The following NREP variants were observed in gnomAD, a reference collection of about 807,000 sequenced individuals.
The protein encoded by NREP is neuronal regeneration-related protein.
NREP carries 5 observed loss-of-function variants against 8.6 expected under a neutral mutation model. That is an observed-to-expected ratio of 0.58 (90% CI 0.30 to 1.22). The LOEUF is 1.22. NREP is among the 50% of genes most tolerant of loss of function. The pLI is 0.07. For missense variants in NREP, 86 were observed against 82.5 expected, an observed-to-expected ratio of 1.04 and a Z score of -0.17; for synonymous variants, 27 against 28.0, an observed-to-expected ratio of 0.96 and a Z score of 0.11.
chr5:111,925,428 C>A (rs981611348), intron 2 of NREP, among the ~76,000 whole-genome samples: 1 of 152,156 alleles, frequency 6.6e-6, no homozygotes, highest in African/African-American at 2.4e-5. Flanking sequence ...ACCTCTAAAG[C>A]AGCCATCAGA....
intron 2 of NREP, among the ~76,000 whole-genome samples, chr5:111,901,024 A>G (rs1754634468): frequency 6.6e-6 from 1 of 152,150 alleles, no homozygotes; most frequent in Non-Finnish European, 1.5e-5. Flanking sequence ...ATACTAGCAA[A>G]CTGCATCCAA....
At chr5:111,817,631 T>C (rs1410985405) in intron 2 of NREP, among the ~76,000 whole-genome samples, 1 of 151,744 alleles carries the variant, frequency 6.6e-6, no homozygotes, top group Non-Finnish European at 1.5e-5. Context: ...TGGTGAAACC[T>C]CGTCTCTACT....
intron 2 of NREP, among the ~76,000 whole-genome samples, chr5:111,816,465 G>GT (rs1752388023): frequency 6.6e-6 from 1 of 152,094 alleles, no homozygotes; most frequent in Non-Finnish European, 1.5e-5. Context: ...TGAGAGGCTG[G>GT]TAAATGGATT....
intron 2 of NREP, among the ~76,000 whole-genome samples, chr5:111,882,098 T>C (rs1446902113): frequency 1.3e-5 from 2 of 152,118 alleles, no homozygotes; most frequent in South Asian, 2.1e-4. Context: ...TGTAGACGAA[T>C]GTATAATTAG....
intron 2 of NREP, among the ~76,000 whole-genome samples, chr5:111,831,010 T>C (rs2112935414): frequency 6.6e-6 from 1 of 152,328 alleles, no homozygotes; most frequent in African/African-American, 2.4e-5. Flanking sequence ...AAGAGCAACA[T>C]GTAGAAAAAC....
intron 3 of NREP, chr5:111,735,184 T>C (rs1052580729): frequency 2.4e-6 from 1 of 412,162 alleles, no homozygotes; most frequent in African/African-American, 2.0e-5. Context: ...AACTGTACTT[T>C]GATAAACTGA....
intron 2 of NREP, among the ~76,000 whole-genome samples, chr5:111,944,231 T>A (rs984602076): frequency 6.6e-6 from 1 of 152,108 alleles, no homozygotes; most frequent in East Asian, 1.9e-4. Context: ...ATCAGTACAA[T>A]TGTTAGGTTT....
intron 2 of NREP, among the ~76,000 whole-genome samples, chr5:111,887,268 T>C (rs1291023546): frequency 2.0e-5 from 3 of 152,192 alleles, no homozygotes; most frequent in Non-Finnish European, 4.4e-5. Flanking sequence ...TACTTTGGTT[T>C]CTATAGCAAC....
chr5:111,768,820 C>T (rs1377030653), intron 2 of NREP, among the ~76,000 whole-genome samples: 5 of 152,220 alleles, frequency 3.3e-5, no homozygotes, highest in African/African-American at 7.2e-5. Flanking sequence ...CTGCAATTAA[C>T]ATACAAGTAT....
At chr5:111,840,088 T>C (rs113596980) in intron 2 of NREP, among the ~76,000 whole-genome samples, 1,810 of 152,218 alleles carry the variant, frequency 0.012, 35 homozygotes, top group African/African-American at 0.042. Context: ...ATAAGTTATT[T>C]AGCGATTTAG....
chr5:111,863,147 G>C (rs1331150338), intron 2 of NREP, among the ~76,000 whole-genome samples: 1 of 151,940 alleles, frequency 6.6e-6, no homozygotes, highest in Non-Finnish European at 1.5e-5. Flanking sequence ...GTAAAAAATG[G>C]TGGTGGTTAG....
intron 2 of NREP, among the ~76,000 whole-genome samples, chr5:111,828,405 G>A (rs1752679452): frequency 6.6e-6 from 1 of 152,056 alleles, no homozygotes; most frequent in Non-Finnish European, 1.5e-5. Flanking sequence ...TGGAGGGGAT[G>A]TGCTACTTTG....
intron 2 of NREP, among the ~76,000 whole-genome samples, chr5:111,786,517 A>G (rs753070901): frequency 9.2e-5 from 14 of 152,196 alleles, no homozygotes; most frequent in South Asian, 2.1e-4. Flanking sequence ...TAGAGTAAGC[A>G]TGGATATACT....
intron 2 of NREP, among the ~76,000 whole-genome samples, chr5:111,847,483 C>A (rs944874038): frequency 1.3e-5 from 2 of 152,168 alleles, no homozygotes; most frequent in African/African-American, 4.8e-5. Flanking sequence ...AAGACATAAA[C>A]AGTCCATAGC....
chr5:111,893,939 C>A (rs762968383), intron 2 of NREP, among the ~76,000 whole-genome samples: 1 of 151,854 alleles, frequency 6.6e-6, no homozygotes, highest in Non-Finnish European at 1.5e-5. Flanking sequence ...AATAACAGGC[C>A]GGGCGCAGTG....
intron 2 of NREP, among the ~76,000 whole-genome samples, chr5:111,946,089 C>A (rs1394548999): frequency 1.6e-5 from 2 of 126,434 alleles, no homozygotes; most frequent in African/African-American, 5.7e-5. Context: ...CACACACACA[C>A]ACACACACAC....
At chr5:111,936,869 T>G (rs1755698449) in intron 2 of NREP, among the ~76,000 whole-genome samples, 2 of 152,056 alleles carry the variant, frequency 1.3e-5, no homozygotes, top group Admixed American at 1.3e-4. Flanking sequence ...ATCTAGGTGT[T>G]TGTCTAACAC....
At chr5:111,842,415 A>G (rs1218239963) in intron 2 of NREP, among the ~76,000 whole-genome samples, 2 of 152,160 alleles carry the variant, frequency 1.3e-5, no homozygotes, top group Non-Finnish European at 1.5e-5. Flanking sequence ...TAAATATTTT[A>G]GAGTTATAAC....
Position 111,812,317 on chromosome 5 carries a change from T to A in NREP, c.136-76810A>T, listed in dbSNP as rs571786411. Among the ~76,000 whole-genome samples the A allele has an allele frequency of 4.0e-5, 6 of 151,222 alleles. No homozygotes were observed. The South Asian group carries it at 1.0e-3, about 26-fold the overall frequency. ...AACAAACAAACAAACAAACAAACAA[T>A]CAAACTTTAGTTTTTAAGAAAGTAA... On this transcript the variant is annotated intron_variant, in intron 2 of 3. Coordinates refer to the NREP transcript ENST00000395634.
Sources: gnomAD v4.1 joint callset for allele counts (sites outside exome capture counted in the v4.1 genomes callset) on GRCh38, gnomAD v4.1.1 for gene constraint, MANE v1.5 for transcripts, NCBI Gene and HGNC (gene_info 2026-07-23, HGNC 2026-07-21) for gene names.